Variants in HCN1 observed in about 807,000 individuals in gnomAD.
HCN1 encodes the protein hyperpolarization activated cyclic nucleotide gated potassium channel 1, also known as potassium/sodium hyperpolarization-activated cyclic nucleotide-gated channel 1.
In HCN1, 13 loss-of-function variants were observed where a neutral mutation model predicts 78.9. That is an observed-to-expected ratio of 0.16 (90% CI 0.11 to 0.26). HCN1 has a LOEUF of 0.26. Among genes scored for constraint, HCN1 ranks in the 10% least tolerant of loss-of-function variants. HCN1 has a pLI of 1.00. For synonymous variants in HCN1, 552 were observed against 455.5 expected, an observed-to-expected ratio of 1.21 and a Z score of -2.70; for missense variants, 810 against 1,154.3, an observed-to-expected ratio of 0.70 and a Z score of 4.32.
At chr5:45,428,399 T>G (rs1305242363) in intron 3 of HCN1, among the ~76,000 whole-genome samples, 2 of 152,034 alleles carry the variant, frequency 1.3e-5, no homozygotes, top group African/African-American at 2.4e-5. Flanking sequence ...CTTTCCCTTC[T>G]TCTTTATCAT....
intron 2 of HCN1, among the ~76,000 whole-genome samples, chr5:45,483,384 T>C (rs1460218857): frequency 6.6e-6 from 1 of 152,194 alleles, no homozygotes; most frequent in Admixed American, 6.5e-5. Flanking sequence ...ATTAGTGATG[T>C]TGAATTTTTT....
chr5:45,357,057 C>T (rs192529126), intron 4 of HCN1, among the ~76,000 whole-genome samples: 1 of 151,892 alleles, frequency 6.6e-6, no homozygotes, highest in Non-Finnish European at 1.5e-5. Context: ...CCTCCTTATC[C>T]CACCAGATAG....
At chr5:45,462,535 G>T (rs12522039) in intron 2 of HCN1, among the ~76,000 whole-genome samples, 8,133 of 152,076 alleles carry the variant, frequency 0.053, 295 homozygotes, top group East Asian at 0.14. Context: ...TTTAATTGTG[G>T]ATACTGAACA....
At chr5:45,407,555 C>T (rs769980832) in intron 3 of HCN1, among the ~76,000 whole-genome samples, 7 of 152,012 alleles carry the variant, frequency 4.6e-5, no homozygotes, top group South Asian at 2.1e-4. Context: ...GTCTCACTCT[C>T]GTTCCACAGG....
chr5:45,353,172 A>G lies in HCN1; in HGVS notation c.1305T>C (p.Tyr435=), dbSNP rs1342395210. The G allele has an allele frequency of 1.9e-6, 3 of 1,609,656 alleles. No homozygotes were observed. The highest frequency in any genetic ancestry group is 2.5e-6 in the Non-Finnish European group (3 of 1,176,520). ...ADMRQKIHDY[Y]EHRYQGKIFD... ...AGATTTTGCCTTGGTATCTGTGTTC[A>G]TAGTAATCATGTATCTTCTGACGCA... is the stretch of plus-strand genomic sequence containing the variant. The change falls in exon 5 of 8, where the codon TAT becomes TAC. Residue 435 remains tyrosine, a synonymous_variant. Coordinates refer to ENST00000303230, the MANE Select transcript of HCN1 (RefSeq NM_021072.4).
intron 3 of HCN1, among the ~76,000 whole-genome samples, chr5:45,401,342 A>C (rs1334361352): frequency 6.6e-6 from 1 of 152,126 alleles, no homozygotes; most frequent in Non-Finnish European, 1.5e-5. Context: ...ATCTCTAATG[A>C]AATTTTTTTT....
At chr5:45,544,682 T>C (rs1242432486) in intron 2 of HCN1, among the ~76,000 whole-genome samples, 2 of 143,232 alleles carry the variant, frequency 1.4e-5, no homozygotes, top group Admixed American at 7.0e-5. Context: ...TTCCCACCTA[T>C]GAGTGAGAAC....
chr5:45,441,184 G>A (rs963645503), intron 3 of HCN1, among the ~76,000 whole-genome samples: 1 of 152,200 alleles, frequency 6.6e-6, no homozygotes, highest in Non-Finnish European at 1.5e-5. Flanking sequence ...AACATAGTTT[G>A]TGCTGCTTGA....
intron 2 of HCN1, among the ~76,000 whole-genome samples, chr5:45,477,347 A>G (rs1741542175): frequency 6.6e-6 from 1 of 152,310 alleles, no homozygotes; most frequent in African/African-American, 2.4e-5. Flanking sequence ...ATGGTGATCT[A>G]AAGTTTTTCT....
rs1561127858 is a variant in HCN1, at chr5:45,372,072, T to TATAATATAATTATATATATATTA, written c.1231-18827_1231-18826insTAATATATATATAATTATATTAT. ...ATATATAATATAATTATATTATATA[T>TATAATATAATTATATATATATTA]TATATATAATATAATTATATATATA... On this transcript the variant is annotated intron_variant, in intron 4 of 7. Coordinates refer to ENST00000303230, the MANE Select transcript of HCN1 (RefSeq NM_021072.4). 7.9e-3 allele frequency among the ~76,000 whole-genome samples: 374 copies of TATAATATAATTATATATATATTA among 47,590 alleles called. 17 individuals are homozygous for TATAATATAATTATATATATATTA. Among genetic ancestry groups the TATAATATAATTATATATATATTA allele is most frequent in the South Asian group, 9.3e-3 (15 of 1,610 alleles). The allele number at this position is 47,590 out of a possible 152,430, so 31.2% of individuals were successfully genotyped here. A position where few individuals can be genotyped will look rare whatever the true frequency, so the allele number is the denominator to read the frequency against.
rs186206261 is a variant in HCN1, at chr5:45,271,950, G to A, written c.1619-4697C>T. 1.3e-3 allele frequency among the ~76,000 whole-genome samples: 196 copies of A among 152,024 alleles called. 1 individual carries two copies. Among genetic ancestry groups the A allele is most frequent in the Non-Finnish European group, 2.4e-3 (164 of 67,946 alleles). ...CTTAGTGAGAAAAAGAACAACTGAAGGTTATTCATGAGAGGAGAAATAGTC... is the reference window on the plus strand; with the variant it reads ...CTTAGTGAGAAAAAGAACAACTGAAAGTTATTCATGAGAGGAGAAATAGTC... On this transcript the variant is annotated intron_variant, in intron 6 of 7. Coordinates refer to ENST00000303230, the MANE Select transcript of HCN1 (RefSeq NM_021072.4).
chr5:45,656,809 A>G (rs1174491612), intron 1 of HCN1, among the ~76,000 whole-genome samples: 1 of 152,174 alleles, frequency 6.6e-6, no homozygotes, highest in African/African-American at 2.4e-5. Flanking sequence ...ATGATTTTCT[A>G]AAATAATCAA....
chr5:45,448,866 C>A, intron 3 of HCN1, among the ~76,000 whole-genome samples: 1 of 152,116 alleles, frequency 6.6e-6, no homozygotes. Flanking sequence ...GTAATCCCAG[C>A]ACTTTGAGAG....
At position 45,353,108 on chromosome 5, in the gene HCN1, G is replaced by A. The variant is rs766405905; in HGVS notation, c.1369C>T (p.Leu457=). 1.2e-6 allele frequency: 2 copies of A among 1,610,394 alleles called. No homozygotes were observed. The highest frequency in any genetic ancestry group is 1.1e-5 in the South Asian group (1 of 90,994). The change falls in exon 5 of 8, where the codon CTG becomes TTG. Residue 457 remains leucine, a synonymous_variant. Coordinates refer to ENST00000303230, the MANE Select transcript of HCN1 (RefSeq NM_021072.4). ...AGGACAATAAATCTTACCTCTCTCAGAGGATCATTGAGTTCATTGAGAATA... is the reference window on the plus strand; with the variant it reads ...AGGACAATAAATCTTACCTCTCTCAAAGGATCATTGAGTTCATTGAGAATA... ...ENILNELNDP[L]REEIVNFNCR...
At chr5:45,274,007 T>G (rs567372845) in intron 6 of HCN1, among the ~76,000 whole-genome samples, 8 of 152,172 alleles carry the variant, frequency 5.3e-5, no homozygotes, top group Non-Finnish European at 1.2e-4. Flanking sequence ...GGTGCAAATT[T>G]TTTAGTATTT....
intron 4 of HCN1, among the ~76,000 whole-genome samples, chr5:45,373,785 C>T (rs559258947): frequency 1.9e-4 from 23 of 119,698 alleles, no homozygotes; most frequent in East Asian, 4.8e-4. Context: ...ATATTACATA[C>T]GGTATATACG....
intron 2 of HCN1, among the ~76,000 whole-genome samples, chr5:45,501,342 C>G (rs1742181163): frequency 6.6e-6 from 1 of 152,080 alleles, no homozygotes; most frequent in South Asian, 2.1e-4. Context: ...TTAATGCTAT[C>G]TTAATGTTAC....
At chr5:45,551,178 C>T (rs546839391) in intron 2 of HCN1, among the ~76,000 whole-genome samples, 4 of 151,918 alleles carry the variant, frequency 2.6e-5, no homozygotes, top group Non-Finnish European at 4.4e-5. Context: ...TTCAGTGATA[C>T]GCATGTCTGA....
intron 2 of HCN1, among the ~76,000 whole-genome samples, chr5:45,591,283 T>C (rs1361625530): frequency 6.6e-6 from 1 of 152,170 alleles, no homozygotes; most frequent in African/African-American, 2.4e-5. Context: ...TTTGGGTAAA[T>C]ACCAAGGGAT....
Sources: gnomAD v4.1 joint callset for allele counts (sites outside exome capture counted in the v4.1 genomes callset) on GRCh38, gnomAD v4.1.1 for gene constraint, MANE v1.5 for transcripts, NCBI Gene and HGNC (gene_info 2026-07-23, HGNC 2026-07-21) for gene names.